SLC25A24: variants seen among roughly 807,000 people sequenced by gnomAD.
SLC25A24 encodes solute carrier family 25 member 24.
In SLC25A24, 49 loss-of-function variants were observed where a neutral mutation model predicts 60.7. That is an observed-to-expected ratio of 0.81 (90% CI 0.64 to 1.02). SLC25A24 has a LOEUF of 1.02. Ranked by LOEUF, SLC25A24 falls within the 50% of genes least tolerant of loss-of-function variation. The pLI, the probability that SLC25A24 is intolerant of heterozygous loss-of-function variation, is 0.00. For missense variants in SLC25A24, 564 were observed against 586.3 expected, an observed-to-expected ratio of 0.96 and a Z score of 0.39; for synonymous variants, 202 against 200.6, an observed-to-expected ratio of 1.01 and a Z score of -0.06.
At chr1:108,164,989 T>G (rs866472066) in intron 3 of SLC25A24, among the ~76,000 whole-genome samples, 2 of 144,946 alleles carry the variant, frequency 1.4e-5, no homozygotes, top group Admixed American at 6.9e-5. Context: ...TCTGGTATGT[T>G]GTGTCTTTGT....
chr1:108,200,054 G>C lies in SLC25A24; in HGVS notation c.85C>G (p.Gln29Glu). 1 of 1,605,178 alleles carries C rather than the reference G, an allele frequency of 6.2e-7. No homozygotes were observed. The highest frequency in any genetic ancestry group is 8.5e-7 in the Non-Finnish European group (1 of 1,176,452). The change falls in exon 1 of 10, where the codon CAG becomes GAG. Residue 29 changes from glutamine (Q) to glutamate (E), a missense_variant. Gln to Glu is a conservative substitution (Grantham distance 29). Transcript: ENST00000565488. ...EQPTRYETLF[Q>E]ALDRNGDGVV... ...CCGTCCCCATTGCGGTCCAGTGCCT[G>C]GAAGAGGGTCTCGTAGCGCGTCGGC... is the stretch of plus-strand genomic sequence containing the variant.
At chr1:108,162,636 G>T (rs1680120568) in intron 3 of SLC25A24, among the ~76,000 whole-genome samples, 1 of 152,082 alleles carries the variant, frequency 6.6e-6, no homozygotes, top group South Asian at 2.1e-4. Flanking sequence ...CTTTTTGATA[G>T]GGTTGTTTGT....
At position 108,176,845 on chromosome 1, in the gene SLC25A24, C is replaced by T. The variant is rs996660791; in HGVS notation, c.398+5096G>A. Among the ~76,000 whole-genome samples, 7 of 152,114 alleles carry T rather than the reference C, an allele frequency of 4.6e-5. No individual in the cohort carries two copies. In the South Asian group the frequency reaches 1.0e-3, roughly 23 times the overall value. On this transcript the variant is annotated intron_variant, in intron 3 of 9. Coordinates refer to ENST00000565488, the MANE Select transcript of SLC25A24 (RefSeq NM_013386.5). Reference sequence around the variant, plus strand: ...AATAGCTGAGGGAGATAATCATGACCGCACCTATTTTATAAGAAACGTAAA... The same window carrying T: ...AATAGCTGAGGGAGATAATCATGACTGCACCTATTTTATAAGAAACGTAAA...
chr1:108,169,488 T>C (rs974022708), intron 3 of SLC25A24, among the ~76,000 whole-genome samples: 1 of 152,218 alleles, frequency 6.6e-6, no homozygotes, highest in African/African-American at 2.4e-5. Context: ...GGTATATTTT[T>C]TAAAATGGCT....
intron 6 of SLC25A24, among the ~76,000 whole-genome samples, chr1:108,154,343 C>G (rs1435816125): frequency 1.3e-5 from 2 of 152,070 alleles, no homozygotes; most frequent in African/African-American, 4.8e-5. Context: ...AAAGAGAACC[C>G]AAACTCTAAA....
intron 3 of SLC25A24, among the ~76,000 whole-genome samples, chr1:108,164,579 T>C (rs1364847039): frequency 3.3e-5 from 5 of 150,298 alleles, no homozygotes; most frequent in Non-Finnish European, 1.5e-5. Context: ...TTTATTTGCA[T>C]AGAGGTGTTT....
chr1:108,192,582 A>G (rs776625606), intron 1 of SLC25A24: 2 of 1,498,960 alleles, frequency 1.3e-6, no homozygotes, highest in Non-Finnish European at 1.8e-6. Flanking sequence ...TCCTTGTTAT[A>G]GTCCAGGTAC....
At chr1:108,148,651 T>C (rs1000787646) in intron 6 of SLC25A24, among the ~76,000 whole-genome samples, 3 of 152,156 alleles carry the variant, frequency 2.0e-5, no homozygotes, top group African/African-American at 7.2e-5. Context: ...ACATACCAGC[T>C]GTCTACAAGC....
rs1679247545 is a variant in SLC25A24 at position 108,135,087 on chromosome 1, TAGAA to T, written c.*1562_*1565del. 2 of 152,410 alleles carry T rather than the reference TAGAA, an allele frequency of 1.3e-5. No homozygotes were observed. Among genetic ancestry groups the T allele is most frequent in the Non-Finnish European group, 2.9e-5 (2 of 67,982 alleles). 9.4% of individuals were successfully genotyped at this position (152,410 alleles called of 1,614,324 possible). A position where few individuals can be genotyped will look rare whatever the true frequency, so the allele number is the denominator to read the frequency against. On this transcript the variant is annotated 3_prime_UTR_variant, in exon 10 of 10. Transcript: ENST00000565488. ...TTTCCATAATTTTTACGAGTAAAAA[TAGAA>T]AGAGCTGATCATGTACCTTAATATT...
At chr1:108,145,851 G>A (rs763787710) in intron 7 of SLC25A24, among the ~76,000 whole-genome samples, 10 of 152,066 alleles carry the variant, frequency 6.6e-5, no homozygotes, top group Non-Finnish European at 1.2e-4. Context: ...CTCCAGCTTC[G>A]TTCATTTTGC....
intron 2 of SLC25A24, among the ~76,000 whole-genome samples, chr1:108,183,495 G>A (rs1648011125): frequency 6.6e-6 from 1 of 152,168 alleles, no homozygotes; most frequent in African/African-American, 2.4e-5. Context: ...GTTCCTGTGA[G>A]CCTCTGATTA....
rs369508898 is a variant in SLC25A24, at chr1:108,145,379, G to A, written c.931-1669C>T. 1.9e-4 allele frequency among the ~76,000 whole-genome samples: 29 copies of A among 152,118 alleles called. 1 individual carries two copies. The highest frequency in any genetic ancestry group is 1.0e-3 in the South Asian group (5 of 4,824). ...CTGTAGGTTGCCGGTTCACTCTGAT[G>A]ATAGTTTCTTTTGCTGTGCAGAAGA... On this transcript the variant is annotated intron_variant, in intron 7 of 9. Transcript: ENST00000565488.
chr1:108,197,672 GTC>G (rs1482812505), intron 1 of SLC25A24, among the ~76,000 whole-genome samples: 2 of 152,254 alleles, frequency 1.3e-5, no homozygotes, highest in East Asian at 3.8e-4. Flanking sequence ...CTGTGAGGAT[GTC>G]TCTGGAGGAG....
At chr1:108,197,835 G>A (rs1246198709) in intron 1 of SLC25A24, among the ~76,000 whole-genome samples, 2 of 152,210 alleles carry the variant, frequency 1.3e-5, no homozygotes, top group African/African-American at 2.4e-5. Flanking sequence ...GTTGAAGTCT[G>A]ATCCCTGATG....
intron 6 of SLC25A24, among the ~76,000 whole-genome samples, chr1:108,149,241 G>A (rs553571557): frequency 1.3e-5 from 2 of 152,250 alleles, no homozygotes; most frequent in Admixed American, 1.3e-4. Context: ...CATCTCCCTG[G>A]CTATCAGTAC....
At chr1:108,162,521 G>C (rs1035184318) in intron 3 of SLC25A24, among the ~76,000 whole-genome samples, 3 of 150,060 alleles carry the variant, frequency 2.0e-5, no homozygotes, top group Admixed American at 6.6e-5. Flanking sequence ...TTGTGGTTTT[G>C]ATTTGCATTT....
intron 7 of SLC25A24, among the ~76,000 whole-genome samples, chr1:108,144,205 A>G (rs1679522715): frequency 6.6e-6 from 1 of 152,208 alleles, no homozygotes; most frequent in Non-Finnish European, 1.5e-5. Flanking sequence ...CTGTATTAGC[A>G]TGCATACCAC....
intron 1 of SLC25A24, chr1:108,198,676 A>G (rs891393914): frequency 6.6e-6 from 1 of 152,238 alleles, no homozygotes; most frequent in African/African-American, 2.4e-5. Context: ...CTTAAAAATC[A>G]TTGAGCACTC....
intron 8 of SLC25A24, among the ~76,000 whole-genome samples, chr1:108,141,944 C>T (rs1679453007): frequency 6.6e-6 from 1 of 152,106 alleles, no homozygotes; most frequent in Non-Finnish European, 1.5e-5. Flanking sequence ...CAACAAACCA[C>T]AAACAGTTAA....
Sources: gnomAD v4.1 joint callset for allele counts (sites outside exome capture counted in the v4.1 genomes callset) on GRCh38, gnomAD v4.1.1 for gene constraint, MANE v1.5 for transcripts, NCBI Gene and HGNC (gene_info 2026-07-23, HGNC 2026-07-21) for gene names.